Variants in THNSL2 observed in about 807,000 individuals in gnomAD.
THNSL2 encodes threonine synthase like 2, also known as threonine synthase-like 2.
A neutral mutation model predicts 40.0 loss-of-function variants in THNSL2; 34 were observed. The observed-to-expected ratio is 0.85, with a 90% confidence interval of 0.65 to 1.13. The LOEUF is 1.13. Among genes scored for constraint, THNSL2 ranks in the 50% most tolerant of loss-of-function variants. The pLI, the probability that THNSL2 is intolerant of heterozygous loss-of-function variation, is 0.00. For missense variants in THNSL2, 537 were observed against 608.8 expected, an observed-to-expected ratio of 0.88 and a Z score of 1.24; for synonymous variants, 241 against 247.5, an observed-to-expected ratio of 0.97 and a Z score of 0.25.
intron 2 of THNSL2, 133 bp from the exon 3 acceptor site, chr2:88,174,506 A>AGC (rs1676695039): frequency 1.2e-6 from 1 of 861,478 alleles, no homozygotes; most frequent in Admixed American, 2.9e-5. Flanking sequence ...TGTATTCAAA[A>AGC]ATGGTATCAT....
intron 5 of THNSL2, 102 bp downstream of exon 5, chr2:88,179,115 G>A (rs1222949117): frequency 8.3e-7 from 1 of 1,201,304 alleles, no homozygotes. Context: ...AAGGAAGGTG[G>A]AGTCCCAGTT....
intron 7 of THNSL2, 70 bp from the exon 8 acceptor site, chr2:88,185,258 G>T: frequency 6.5e-7 from 1 of 1,529,388 alleles, no homozygotes; most frequent in Non-Finnish European, 8.8e-7. Context: ...CTGTGGTGGA[G>T]AGTGGGGTTT....
At chr2:88,181,575 G>C (rs899972062) in intron 5 of THNSL2, among the ~76,000 whole-genome samples, 1 of 118,140 alleles carries the variant, frequency 8.5e-6, no homozygotes, top group Non-Finnish European at 1.6e-5. Context: ...CTCTCTTGCT[G>C]TGTGTGTGTG....
chr2:88,185,075 A>C (rs1279333356), intron 7 of THNSL2, among the ~76,000 whole-genome samples: 2 of 152,198 alleles, frequency 1.3e-5, no homozygotes, highest in Non-Finnish European at 2.9e-5. Flanking sequence ...ACAAATCTAT[A>C]TTTGCTGATT....
chr2:88,183,201 T>C, intron 7 of THNSL2, 128 bp downstream of exon 7: 13 of 1,252,292 alleles, frequency 1.0e-5, no homozygotes, highest in South Asian at 1.6e-5. Flanking sequence ...CCCACCACTT[T>C]TACGGCCACT....
Position 88,185,321 on chromosome 2 carries a change from C to A in THNSL2, c.1078-7C>A, listed in dbSNP as rs878921278. On this transcript the variant is annotated splice_polypyrimidine_tract_variant and splice_region_variant and intron_variant, in intron 7 of 8. Coordinates refer to ENST00000674334, the MANE Select transcript of THNSL2 (RefSeq NM_018271.5). ...ACACCTCATCTTTCTGACCTGGGACCCTTCAGCTTTCAGAGGCAGTGACAT... is the reference window on the plus strand; with the variant it reads ...ACACCTCATCTTTCTGACCTGGGACACTTCAGCTTTCAGAGGCAGTGACAT... 2 of 1,611,540 alleles carry A rather than the reference C, an allele frequency of 1.2e-6. No individual in the cohort carries two copies. Among genetic ancestry groups the A allele is most frequent in the South Asian group, 2.2e-5 (2 of 90,586 alleles).
intron 1 of THNSL2, chr2:88,172,139 C>T (rs190517832): frequency 6.6e-6 from 1 of 152,278 alleles, no homozygotes; most frequent in African/African-American, 2.4e-5. Flanking sequence ...AATTCATCCC[C>T]ATAGTTACTG....
intron 5 of THNSL2, among the ~76,000 whole-genome samples, chr2:88,180,298 C>T (rs1325318829): frequency 1.3e-5 from 2 of 152,212 alleles, no homozygotes; most frequent in Non-Finnish European, 1.5e-5. Context: ...TCTCCGCTGT[C>T]AGGCAAGGAT....
In THNSL2 at chr2:88,186,133, A is replaced by T; in HGVS notation, c.*10A>T. On this transcript the variant is annotated 3_prime_UTR_variant, in exon 9 of 9. Transcript: ENST00000674334. Reference sequence around the variant, plus strand: ...CAACACCTCCCAGTAGCCTGGCTGGAGGTGGCTTTCTTTAGGCTTCAGATC... The same window carrying T: ...CAACACCTCCCAGTAGCCTGGCTGGTGGTGGCTTTCTTTAGGCTTCAGATC... The T allele has an allele frequency of 6.4e-7, 1 of 1,552,028 alleles. No homozygotes were observed. The highest frequency in any genetic ancestry group is 8.7e-7 in the Non-Finnish European group (1 of 1,147,038).
intron 7 of THNSL2, 27 bp from the exon 8 acceptor site, chr2:88,185,301 T>C: frequency 1.9e-6 from 3 of 1,597,412 alleles, no homozygotes; most frequent in Admixed American, 3.4e-5. Flanking sequence ...CCCCCACACC[T>C]CATCTTTCTG....
Position 88,186,109 on chromosome 2 carries a change from A to C in THNSL2, c.1441A>C (p.Asn481His). Residue 481 changes from asparagine (N) to histidine (H), a missense_variant, in exon 9 of 9, where the codon AAC becomes CAC. Coordinates refer to ENST00000674334, the MANE Select transcript of THNSL2 (RefSeq NM_018271.5). The part of the protein sequence containing the change: ...LSRQWRSHAL[N>H]TSQ ...CCGACAGTGGAGGAGTCATGCCCTC[A>C]ACACCTCCCAGTAGCCTGGCTGGAG... 1 of 1,555,582 alleles carries C rather than the reference A, an allele frequency of 6.4e-7. No individual in the cohort carries two copies. The highest frequency in any genetic ancestry group is 1.2e-5 in the South Asian group (1 of 84,314).
chr2:88,176,707 C>G (rs1374468823), intron 4 of THNSL2: 1 of 152,264 alleles, frequency 6.6e-6, no homozygotes. Context: ...TGTTCAAGAG[C>G]AAGCGAACTG....
Position 88,173,264 on chromosome 2 carries a change from G to A in THNSL2, c.114G>A (p.Leu38=), listed in dbSNP as rs1435751215. The A allele has an allele frequency of 6.2e-7, 1 of 1,612,252 alleles. No homozygotes were observed. The highest frequency in any genetic ancestry group is 1.3e-5 in the African/African-American group (1 of 74,888). Residue 38 remains leucine (L), a synonymous_variant, in exon 2 of 9, where the codon TTG becomes TTA. Transcript: ENST00000674334. ...GLFMPEELPQ[L]DRGTLCQWST... ...TTATGCCTGAAGAGCTCCCACAGTT[G>A]GACAGAGGGACCCTGTGCCAGTGGA...
intron 5 of THNSL2, among the ~76,000 whole-genome samples, chr2:88,180,436 G>C (rs1318488690): frequency 6.6e-6 from 1 of 152,202 alleles, no homozygotes; most frequent in Non-Finnish European, 1.5e-5. Context: ...GCCAGGTGTG[G>C]TGGCGCATGC....
At position 88,174,710 on chromosome 2, in the gene THNSL2, C is replaced by A; in HGVS notation, c.295C>A (p.Leu99Met). The A allele has an allele frequency of 6.2e-7, 1 of 1,614,200 alleles. No individual in the cohort carries two copies. ...CCATCTGTCCAGGTTGAGGAATGGGCTGAACGTGTTGGAGCTGTGGCATGG... is the reference window on the plus strand; with the variant it reads ...CCATCTGTCCAGGTTGAGGAATGGGATGAACGTGTTGGAGCTGTGGCATGG... ...VVHLSRLRNGLNVLELWHGVT... is the reference protein window; with the variant it reads ...VVHLSRLRNGMNVLELWHGVT... The change falls in exon 3 of 9, where the codon CTG (leucine) becomes ATG (methionine). Residue 99 changes from leucine (L) to methionine (M), a missense_variant. Transcript: ENST00000674334.
chr2:88,183,103 A>G (rs1331259115), intron 7 of THNSL2, 30 bp downstream of exon 7: 3 of 1,605,226 alleles, frequency 1.9e-6, no homozygotes, highest in Admixed American at 1.7e-5. Context: ...CCACAGAGAA[A>G]GGAAAGGGTA....
Position 88,182,971 on chromosome 2 carries a change from G to A in THNSL2, c.975G>A (p.Val325=). 1 of 1,614,170 alleles carries A rather than the reference G, an allele frequency of 6.2e-7. No individual in the cohort carries two copies. Among genetic ancestry groups the A allele is most frequent in the Non-Finnish European group, 8.5e-7 (1 of 1,180,042 alleles). ...AGGTGCCCTACAACATGGAGAGGGTGTTCTGGCTGCTCTCTGGCTCTGACA... is the reference window on the plus strand; with the variant it reads ...AGGTGCCCTACAACATGGAGAGGGTATTCTGGCTGCTCTCTGGCTCTGACA... ...DIQVPYNMER[V]FWLLSGSDSQ... is the part of the protein sequence containing the mutation. The change falls in exon 7 of 9, where the codon GTG becomes GTA. Residue 325 remains valine (V), a synonymous_variant. Transcript: ENST00000674334.
rs973137578 is a variant in THNSL2 at position 88,178,882 on chromosome 2, A to G, written c.671A>G (p.Asn224Ser). The change falls in exon 5 of 9, where the codon AAC becomes AGC. Residue 224 changes from asparagine (N) to serine (S), a missense_variant. Physicochemically the swap from Asn to Ser is conservative, Grantham distance 46. Transcript: ENST00000674334. Reference protein sequence around the residue: ...KHNLMSLNSINWSRVLVQMAH... With the variant: ...KHNLMSLNSISWSRVLVQMAH... ...AATCTGATGAGCCTGAATTCGATCA[A>G]CTGGTCCCGGGTCCTGGTGCAGATG... 1.2e-6 allele frequency: 2 copies of G among 1,614,048 alleles called. No individual in the cohort carries two copies. The highest frequency in any genetic ancestry group is 1.3e-5 in the African/African-American group (1 of 74,900).
chr2:88,170,529 G>C (rs1389438681), intron 1 of THNSL2, 73 bp downstream of exon 1: 1 of 152,398 alleles, frequency 6.6e-6, no homozygotes, highest in African/African-American at 2.4e-5. Flanking sequence ...ACGCTCTCGC[G>C]GCTCCGTTCG....
Sources: gnomAD v4.1 joint callset for allele counts (sites outside exome capture counted in the v4.1 genomes callset) on GRCh38, gnomAD v4.1.1 for gene constraint, MANE v1.5 for transcripts, NCBI Gene and HGNC (gene_info 2026-07-23, HGNC 2026-07-21) for gene names.